CRPPA: variants seen among roughly 807,000 people sequenced by gnomAD.
CRPPA encodes the protein D-ribitol-5-phosphate cytidylyltransferase.
CRPPA carries 43 observed loss-of-function variants against 52.0 expected under a neutral mutation model. That is an observed-to-expected ratio of 0.83 (90% CI 0.65 to 1.07). The LOEUF (loss-of-function observed/expected upper bound fraction) is 1.07. Ranked by LOEUF, CRPPA falls within the 50% of genes least tolerant of loss-of-function variation. The pLI, the probability that CRPPA is intolerant of heterozygous loss-of-function variation, is 0.00. For synonymous variants in CRPPA, 250 were observed against 203.5 expected, an observed-to-expected ratio of 1.23 and a Z score of -1.94; for missense variants, 629 against 551.7, an observed-to-expected ratio of 1.14 and a Z score of -1.40.
At chr7:16,258,532 T>A in intron 7 of CRPPA, 50 bp from the exon 8 acceptor site, 1 of 1,036,488 alleles carries the variant, frequency 9.6e-7, no homozygotes, top group Non-Finnish European at 1.4e-6. Flanking sequence ...TTTAAATGAC[T>A]TAAAACTTAT....
chr7:16,215,938 C>A (rs183570300), intron 9 of CRPPA, 128 bp downstream of exon 9: 22 of 707,858 alleles, frequency 3.1e-5, no homozygotes, highest in Non-Finnish European at 5.0e-5. Context: ...ATAGCACACA[C>A]ATAGATGAGT....
At chr7:16,294,335 C>T (rs572482534) in intron 5 of CRPPA, among the ~76,000 whole-genome samples, 1 of 151,868 alleles carries the variant, frequency 6.6e-6, no homozygotes, top group East Asian at 1.9e-4. Context: ...TCAATGTGAC[C>T]TTCAAAAGCG....
intron 9 of CRPPA, among the ~76,000 whole-genome samples, chr7:16,209,933 T>C (rs763958656): frequency 7.9e-5 from 12 of 152,172 alleles, no homozygotes; most frequent in Non-Finnish European, 1.6e-4. Flanking sequence ...CAATATTACA[T>C]CCACATTTTT....
At chr7:16,345,074 C>G (rs141979154) in intron 3 of CRPPA, among the ~76,000 whole-genome samples, 16 of 152,158 alleles carry the variant, frequency 1.1e-4, no homozygotes, top group Admixed American at 1.0e-3. Flanking sequence ...CCATCAAAAG[C>G]CAAAGGAATC....
chr7:16,324,051 C>T (rs1785321362), intron 3 of CRPPA, among the ~76,000 whole-genome samples: 1 of 152,206 alleles, frequency 6.6e-6, no homozygotes, highest in Non-Finnish European at 1.5e-5. Context: ...TGGCGACGTT[C>T]TATCTTGTGA....
intron 3 of CRPPA, among the ~76,000 whole-genome samples, chr7:16,346,648 C>A (rs1028569997): frequency 6.6e-6 from 1 of 152,068 alleles, no homozygotes; most frequent in East Asian, 1.9e-4. Context: ...AATGTACTCA[C>A]ACCCTTGTCT....
At chr7:16,256,755 G>C (rs568426461) in intron 8 of CRPPA, among the ~76,000 whole-genome samples, 1 of 152,032 alleles carries the variant, frequency 6.6e-6, no homozygotes, top group African/African-American at 2.4e-5. Context: ...ACACACTGGG[G>C]CTTGTTGGGG....
In CRPPA at chr7:16,308,575, T is replaced by C. The variant is rs1583508021; in HGVS notation, c.737A>G (p.Lys246Arg). The C allele has an allele frequency of 1.2e-6, 2 of 1,611,700 alleles. No homozygotes were observed. The highest frequency in any genetic ancestry group is 1.7e-6 in the Non-Finnish European group (2 of 1,178,834). ...AAGTTTGGCTTTAGTGCAACAGTAT[T>C]TTAGGGCCAATTGCAAACACTCAGT... ...FGTECLQLAL[K>R]YCCTKAKLVE... Residue 246 changes from lysine (K) to arginine (R), a missense_variant, in exon 4 of 10, where the codon AAA becomes AGA. Transcript: ENST00000407010.
At chr7:16,402,785 T>G (rs1319384608) in intron 2 of CRPPA, among the ~76,000 whole-genome samples, 1 of 151,710 alleles carries the variant, frequency 6.6e-6, no homozygotes, top group Non-Finnish European at 1.5e-5. Flanking sequence ...TTAGGACACA[T>G]GAGGACTGGA....
chr7:16,109,367 G>A lies in CRPPA; in HGVS notation c.1252-17568C>T, dbSNP rs768455740. ...TACCGAAATTGAACCATGAAGAAAC[G>A]GAAAATAAGAAAAGACCAATAACAA... is the stretch of plus-strand genomic sequence containing the variant. On this transcript the variant is annotated intron_variant, in intron 9 of 9. Coordinates refer to ENST00000407010, the MANE Select transcript of CRPPA (RefSeq NM_001101426.4). Among the ~76,000 whole-genome samples the A allele has an allele frequency of 4.6e-5, 7 of 151,462 alleles. No homozygotes were observed. The East Asian group carries it at 9.6e-4, about 21-fold the overall frequency.
chr7:16,325,183 T>C (rs1161295898), intron 3 of CRPPA, among the ~76,000 whole-genome samples: 2 of 152,214 alleles, frequency 1.3e-5, no homozygotes, highest in East Asian at 1.9e-4. Context: ...TGCAAGAAAT[T>C]TGAACTACAA....
At chr7:16,103,148 T>C (rs1308596977) in intron 9 of CRPPA, among the ~76,000 whole-genome samples, 2 of 152,176 alleles carry the variant, frequency 1.3e-5, no homozygotes, top group Admixed American at 1.3e-4. Context: ...TATTATGTCC[T>C]TTGCAGGGAC....
At chr7:16,319,330 G>A (rs1275709989) in intron 3 of CRPPA, among the ~76,000 whole-genome samples, 3 of 152,088 alleles carry the variant, frequency 2.0e-5, no homozygotes, top group African/African-American at 7.2e-5. Flanking sequence ...GAAGTCCTCT[G>A]ATCTTTTCCA....
intron 3 of CRPPA, among the ~76,000 whole-genome samples, chr7:16,340,081 A>G (rs1785783523): frequency 6.6e-6 from 1 of 152,188 alleles, no homozygotes; most frequent in Non-Finnish European, 1.5e-5. Flanking sequence ...GAAAGACTTT[A>G]CATCTTTCAC....
intron 9 of CRPPA, among the ~76,000 whole-genome samples, chr7:16,196,559 G>C (rs17672493): frequency 0.33 from 50,281 of 152,002 alleles, 9,035 homozygotes; most frequent in Admixed American, 0.41. Flanking sequence ...GCATTCAAGA[G>C]AAATGTAGTG....
At chr7:16,372,345 G>C (rs11976934) in intron 3 of CRPPA, among the ~76,000 whole-genome samples, 53,813 of 152,074 alleles carry the variant, frequency 0.35, 9,824 homozygotes, top group South Asian at 0.46. Flanking sequence ...ACTAACAGCA[G>C]ATTTCTCAGC....
At chr7:16,181,880 T>A (rs1025724036) in intron 9 of CRPPA, among the ~76,000 whole-genome samples, 1 of 151,982 alleles carries the variant, frequency 6.6e-6, no homozygotes, top group Non-Finnish European at 1.5e-5. Flanking sequence ...TTAAATACAA[T>A]CTTTTAACAG....
At chr7:16,308,107 T>C (rs532568839) in intron 4 of CRPPA, among the ~76,000 whole-genome samples, 2 of 152,106 alleles carry the variant, frequency 1.3e-5, no homozygotes, top group Non-Finnish European at 1.5e-5. Context: ...CTCCTTTGCT[T>C]TCTGCCATAA....
intron 1 of CRPPA, among the ~76,000 whole-genome samples, chr7:16,408,790 C>G (rs1788014486): frequency 6.6e-6 from 1 of 152,068 alleles, no homozygotes; most frequent in Non-Finnish European, 1.5e-5. Flanking sequence ...AACGTAATCA[C>G]AAGAGTCCTT....
Sources: gnomAD v4.1 joint callset for allele counts (sites outside exome capture counted in the v4.1 genomes callset) on GRCh38, gnomAD v4.1.1 for gene constraint, MANE v1.5 for transcripts, NCBI Gene and HGNC (gene_info 2026-07-23, HGNC 2026-07-21) for gene names.